Variants in KIAA0319L observed in about 807,000 individuals in gnomAD.
The protein encoded by KIAA0319L is KIAA0319 like, also known as dyslexia-associated protein KIAA0319-like protein.
In KIAA0319L, 55 loss-of-function variants were observed where a neutral mutation model predicts 120.1. The ratio of observed to expected loss-of-function variants is 0.46; its 90% CI spans 0.37 to 0.57. The LOEUF is 0.57. KIAA0319L is among the 20% of genes least tolerant of loss of function. KIAA0319L has a pLI of 0.00. For synonymous variants in KIAA0319L, 398 were observed against 471.9 expected (o/e 0.84, Z 2.03); for missense variants, 1,049 against 1,255.3 (o/e 0.84, Z 2.48).
chr1:35,441,072 C>G lies in KIAA0319L; in HGVS notation c.2937G>C (p.Leu979=). ...CTGCTCGGGAGGTTGGCTTCAGCTC[C>G]AGGCTTTCCTGATCCGTGGCATCCA... ...KILDATDQES[L]ELKPTSRAGI... The change falls in exon 20 of 21, where the codon CTG becomes CTC. Residue 979 remains leucine (L), a synonymous_variant. Coordinates refer to ENST00000325722, the MANE Select transcript of KIAA0319L (RefSeq NM_024874.5). 6.2e-7 allele frequency: 1 copy of G among 1,614,194 alleles called. No individual in the cohort carries two copies. Among genetic ancestry groups the G allele is most frequent in the Non-Finnish European group, 8.5e-7 (1 of 1,180,022 alleles).
upstream of KIAA0319L, chr1:35,557,594 A>G: frequency 6.8e-6 from 3 of 440,802 alleles, no homozygotes; most frequent in South Asian, 4.8e-5. Flanking sequence ...CCCGCTCTCC[A>G]GAGGCAGTCT....
chr1:35,441,260 C>G (rs1255457960), intron 19 of KIAA0319L, 122 bp from the exon 20 acceptor site: 1 of 764,138 alleles, frequency 1.3e-6, no homozygotes, highest in Non-Finnish European at 2.3e-6. Context: ...GGTGTCCTCT[C>G]CTCACTTCTC....
intron 11 of KIAA0319L, 124 bp downstream of exon 11, chr1:35,454,238 A>C: frequency 1.1e-6 from 1 of 931,070 alleles, no homozygotes; most frequent in African/African-American, 1.6e-5. Context: ...AGAAGTCACC[A>C]GAGGCTCTAT....
chr1:35,476,541 G>A (rs1643901903), intron 4 of KIAA0319L, among the ~76,000 whole-genome samples: 1 of 152,048 alleles, frequency 6.6e-6, no homozygotes, highest in Non-Finnish European at 1.5e-5. Context: ...CATCCTTAAT[G>A]GAAGCTTCAG....
chr1:35,453,183 G>T lies in KIAA0319L; in HGVS notation c.1913+374C>A, dbSNP rs1437859101. On this transcript the variant is annotated intron_variant, in intron 12 of 20. Coordinates refer to ENST00000325722, the MANE Select transcript of KIAA0319L (RefSeq NM_024874.5). The surrounding 1 kb of genome is among the most constrained non-coding windows in gnomAD (Gnocchi z 4.1). The stretch of plus-strand genomic sequence containing the variant: ...TTCAATTTCTCTTAATAGCTGCTCT[G>T]CCCCATCCCCCGTGCCAGCCTTACC... Among the ~76,000 whole-genome samples, 1 of 152,034 alleles carries T rather than the reference G, an allele frequency of 6.6e-6. No individual in the cohort carries two copies. Among genetic ancestry groups the T allele is most frequent in the Non-Finnish European group, 1.5e-5 (1 of 68,012 alleles).
At chr1:35,537,853 T>A (rs1646642470) in intron 2 of KIAA0319L, among the ~76,000 whole-genome samples, 1 of 152,168 alleles carries the variant, frequency 6.6e-6, no homozygotes, top group African/African-American at 2.4e-5. Context: ...CCAATCTGTA[T>A]CTGTACAGAA....
At chr1:35,500,446 G>T (rs1644963634) in intron 3 of KIAA0319L, among the ~76,000 whole-genome samples, 1 of 152,140 alleles carries the variant, frequency 6.6e-6, no homozygotes, top group South Asian at 2.1e-4. Flanking sequence ...TGAGAAACGG[G>T]AATATATTGA....
rs1640643299 is a variant in KIAA0319L at position 35,434,585 on chromosome 1, G to A, written c.*309C>T. ...GCACAATGACACTGTCCACTGGGGA[G>A]CTGCAGAGCTTAGCAGCTGGCTGGG... On this transcript the variant is annotated 3_prime_UTR_variant, in exon 21 of 21. Transcript: ENST00000325722. 5.7e-6 allele frequency: 2 copies of A among 348,152 alleles called. No homozygotes were observed. The highest frequency in any genetic ancestry group is 8.2e-5 in the South Asian group (2 of 24,342). The allele number at this position is 348,152 out of a possible 1,614,324, so 21.6% of individuals were successfully genotyped here. A position where few individuals can be genotyped will look rare whatever the true frequency, so the allele number is the denominator to read the frequency against.
At chr1:35,499,606 TA>T (rs1332965325) in intron 3 of KIAA0319L, among the ~76,000 whole-genome samples, 2 of 151,548 alleles carry the variant, frequency 1.3e-5, no homozygotes, top group African/African-American at 4.9e-5. Context: ...AAGGAGCCAA[TA>T]AACGCAATTT....
At chr1:35,475,227 A>AT (rs1643864989) in intron 4 of KIAA0319L, among the ~76,000 whole-genome samples, 1 of 151,924 alleles carries the variant, frequency 6.6e-6, no homozygotes. Context: ...ATATTATTCT[A>AT]TTTTTCCTCC....
rs573784529 is a variant in KIAA0319L at position 35,461,092 on chromosome 1, A to G, written c.1295-655T>C. Among the ~76,000 whole-genome samples the G allele has an allele frequency of 2.6e-5, 4 of 152,348 alleles. No individual in the cohort carries two copies. In the South Asian group the frequency reaches 6.2e-4, roughly 24 times the overall value. ...CTGAAAACAAGTAAGAACTCGTACAATGAAATTATACATCTATATGATGGA... is the reference window on the plus strand; with the variant it reads ...CTGAAAACAAGTAAGAACTCGTACAGTGAAATTATACATCTATATGATGGA... On this transcript the variant is annotated intron_variant, in intron 8 of 20. Transcript: ENST00000325722.
intron 2 of KIAA0319L, among the ~76,000 whole-genome samples, chr1:35,539,544 T>A (rs916358498): frequency 7.2e-5 from 11 of 152,336 alleles, no homozygotes; most frequent in Middle Eastern, 6.8e-3. Flanking sequence ...TGAAGTAGAA[T>A]GCACAGGTAG....
intron 2 of KIAA0319L, among the ~76,000 whole-genome samples, chr1:35,528,064 G>GT (rs1431058492): frequency 2.6e-5 from 4 of 151,984 alleles, no homozygotes; most frequent in African/African-American, 9.7e-5. Context: ...GTTTTGGTAT[G>GT]TTTTTTCCAT....
intron 3 of KIAA0319L, among the ~76,000 whole-genome samples, chr1:35,486,244 C>T (rs1644379374): frequency 1.3e-5 from 2 of 151,832 alleles, no homozygotes; most frequent in South Asian, 2.1e-4. Context: ...GTTAGCTGGA[C>T]GTGGTGGTGC....
At chr1:35,505,557 TA>T (rs1170626100) in intron 3 of KIAA0319L, among the ~76,000 whole-genome samples, 3 of 152,348 alleles carry the variant, frequency 2.0e-5, no homozygotes, top group Non-Finnish European at 4.4e-5. Context: ...CACTAGATTA[TA>T]AACTCCCTGA....
intron 3 of KIAA0319L, among the ~76,000 whole-genome samples, chr1:35,505,790 T>G (rs1645184543): frequency 6.6e-6 from 1 of 152,226 alleles, no homozygotes; most frequent in South Asian, 2.1e-4. Flanking sequence ...CTCAGTTTTC[T>G]CACCAGGTAA....
chr1:35,447,738 AT>A (rs1455885467), intron 16 of KIAA0319L, among the ~76,000 whole-genome samples: 1 of 151,982 alleles, frequency 6.6e-6, no homozygotes, highest in Admixed American at 6.6e-5. Context: ...CACCTGGCTA[AT>A]TTTTAAATCT....
intron 2 of KIAA0319L, among the ~76,000 whole-genome samples, chr1:35,520,428 C>T (rs889363749): frequency 1.3e-5 from 2 of 152,064 alleles, no homozygotes; most frequent in Admixed American, 1.3e-4. Flanking sequence ...GGGTCTCATC[C>T]TGTCACCCAC....
chr1:35,445,459 T>C (rs183124590), intron 16 of KIAA0319L, among the ~76,000 whole-genome samples: 146 of 152,354 alleles, frequency 9.6e-4, no homozygotes, highest in Non-Finnish European at 1.1e-3. Context: ...ACATCTCTCC[T>C]GAGTGACCAG....
Sources: gnomAD v4.1 joint callset for allele counts (sites outside exome capture counted in the v4.1 genomes callset) on GRCh38, gnomAD v4.1.1 for gene constraint, Gnocchi (gnomAD v3.1) non-coding constraint, MANE v1.5 for transcripts, NCBI Gene and HGNC (gene_info 2026-07-23, HGNC 2026-07-21) for gene names.